The following LHFPL3 variants were observed in gnomAD, a reference collection of about 807,000 sequenced individuals.
LHFPL3 encodes LHFPL tetraspan subfamily member 3 protein.
LHFPL3 carries 5 observed loss-of-function variants against 19.3 expected under a neutral mutation model. The ratio of observed to expected loss-of-function variants is 0.26; its 90% CI spans 0.14 to 0.54. The LOEUF (loss-of-function observed/expected upper bound fraction) is 0.54. LHFPL3 is among the 20% of genes least tolerant of loss of function. The pLI, the probability that LHFPL3 is intolerant of heterozygous loss-of-function variation, is 0.94. For missense variants in LHFPL3, 249 were observed against 307.4 expected (o/e 0.81, Z 1.42); for synonymous variants, 133 against 126.2 (o/e 1.05, Z -0.36).
chr7:104,773,175 T>C (rs1291045913), intron 2 of LHFPL3, among the ~76,000 whole-genome samples: 3 of 152,172 alleles, frequency 2.0e-5, no homozygotes, highest in African/African-American at 7.2e-5. Context: ...GGGGTCTTCT[T>C]ACCCACCCAG....
chr7:104,735,991 A>G (rs560989259), intron 1 of LHFPL3, among the ~76,000 whole-genome samples: 1 of 152,320 alleles, frequency 6.6e-6, no homozygotes, highest in East Asian at 1.9e-4. Flanking sequence ...CATATACTCA[A>G]TAGTGGGATT....
At chr7:104,746,569 C>T (rs1219114537) in intron 2 of LHFPL3, among the ~76,000 whole-genome samples, 2 of 152,146 alleles carry the variant, frequency 1.3e-5, no homozygotes, top group Admixed American at 6.5e-5. Flanking sequence ...TTTACTCAAT[C>T]ACAGGCTAAA....
At chr7:104,515,439 C>T (rs1793902830) in intron 1 of LHFPL3, among the ~76,000 whole-genome samples, 1 of 152,180 alleles carries the variant, frequency 6.6e-6, no homozygotes, top group East Asian at 1.9e-4. Context: ...AGCAGTGCCC[C>T]TGTTCAAAGA....
At chr7:104,902,972 C>T (rs1028698749) in intron 2 of LHFPL3, among the ~76,000 whole-genome samples, 8 of 152,116 alleles carry the variant, frequency 5.3e-5, no homozygotes, top group Non-Finnish European at 1.0e-4. Flanking sequence ...TGAAACTGGC[C>T]GCAAATGTTC....
chr7:104,524,629 T>C (rs1794148244), intron 1 of LHFPL3, among the ~76,000 whole-genome samples: 1 of 152,204 alleles, frequency 6.6e-6, no homozygotes, highest in Non-Finnish European at 1.5e-5. Flanking sequence ...ACTCACAGTA[T>C]TGTTCGAGTC....
chr7:104,626,569 A>G (rs1209545917), intron 1 of LHFPL3, among the ~76,000 whole-genome samples: 1 of 152,196 alleles, frequency 6.6e-6, no homozygotes, highest in African/African-American at 2.4e-5. Flanking sequence ...TTTAGATATT[A>G]TGAAGAACTG....
chr7:104,855,141 G>A (rs956114704), intron 2 of LHFPL3, among the ~76,000 whole-genome samples: 5 of 152,256 alleles, frequency 3.3e-5, no homozygotes, highest in South Asian at 2.1e-4. Context: ...TCTTAAGACC[G>A]TTTCAAGACA....
chr7:104,480,078 G>A (rs894268743), intron 1 of LHFPL3, among the ~76,000 whole-genome samples: 2 of 152,170 alleles, frequency 1.3e-5, no homozygotes, highest in South Asian at 4.1e-4. Flanking sequence ...ATTTCATCAT[G>A]GATACACGTA....
chr7:104,331,324 G>C (rs145234341), intron 1 of LHFPL3, among the ~76,000 whole-genome samples: 1 of 152,316 alleles, frequency 6.6e-6, no homozygotes, highest in African/African-American at 2.4e-5. Context: ...TTGTACTAAA[G>C]ATGTAAGGAC....
At chr7:104,564,945 A>G (rs981949617) in intron 1 of LHFPL3, among the ~76,000 whole-genome samples, 2 of 152,190 alleles carry the variant, frequency 1.3e-5, no homozygotes, top group African/African-American at 4.8e-5. Flanking sequence ...ACTCATGCTC[A>G]CTGCTCCCAT....
intron 1 of LHFPL3, among the ~76,000 whole-genome samples, chr7:104,451,058 C>T (rs918973219): frequency 1.3e-5 from 2 of 152,176 alleles, no homozygotes; most frequent in African/African-American, 4.8e-5. Context: ...GACCAGAGTC[C>T]TGAGCAAGGA....
chr7:104,759,057 C>T (rs1167488440), intron 2 of LHFPL3, among the ~76,000 whole-genome samples: 1 of 152,110 alleles, frequency 6.6e-6, no homozygotes, highest in Non-Finnish European at 1.5e-5. Flanking sequence ...TAAGTCACGC[C>T]GAGGACAAAT....
At chr7:104,479,724 C>CTGGGAATA (rs757257681) in intron 1 of LHFPL3, among the ~76,000 whole-genome samples, 48 of 152,272 alleles carry the variant, frequency 3.2e-4, no homozygotes, top group South Asian at 1.9e-3. Flanking sequence ...TTAAACAGCC[C>CTGGGAATA]TGGGAATATG....
rs111244076 is a variant in LHFPL3 at position 104,723,647 on chromosome 7, G to A, written c.446-13028G>A. Among the ~76,000 whole-genome samples, 188 of 145,020 alleles carry A rather than the reference G, an allele frequency of 1.3e-3. 1 individual carries two copies. The highest frequency in any genetic ancestry group is 4.5e-3 in the African/African-American group (178 of 39,450). On this transcript the variant is annotated intron_variant, in intron 1 of 2. Coordinates refer to ENST00000424859, the MANE Select transcript of LHFPL3 (RefSeq NM_199000.3). The stretch of plus-strand genomic sequence containing the variant: ...TGAGACAGGAGAATCGCTTGAACCC[G>A]CGAGGTAGAGGTTGCAGTGAGCCAA...
At chr7:104,885,403 C>G (rs1242110716) in intron 2 of LHFPL3, among the ~76,000 whole-genome samples, 2 of 152,116 alleles carry the variant, frequency 1.3e-5, no homozygotes, top group Non-Finnish European at 2.9e-5. Flanking sequence ...TGTCTAATGG[C>G]CTATTGTGGC....
intron 2 of LHFPL3, among the ~76,000 whole-genome samples, chr7:104,739,292 A>G (rs1793887604): frequency 6.6e-6 from 1 of 152,188 alleles, no homozygotes; most frequent in Admixed American, 6.5e-5. Context: ...AACACTTGCT[A>G]AACATTGAAG....
intron 2 of LHFPL3, among the ~76,000 whole-genome samples, chr7:104,830,828 C>G (rs1192708689): frequency 6.6e-6 from 1 of 151,720 alleles, no homozygotes; most frequent in Non-Finnish European, 1.5e-5. Flanking sequence ...TGTTTTTTGC[C>G]TTTTAAAAGG....
At chr7:104,839,011 AAG>A (rs1791149054) in intron 2 of LHFPL3, among the ~76,000 whole-genome samples, 1 of 152,230 alleles carries the variant, frequency 6.6e-6, no homozygotes, top group African/African-American at 2.4e-5. Context: ...TTCTTAAAGA[AAG>A]AGAATATTCT....
At chr7:104,692,787 GAGAAGGAAATTGC>G (rs1485814901) in intron 1 of LHFPL3, among the ~76,000 whole-genome samples, 1 of 152,210 alleles carries the variant, frequency 6.6e-6, no homozygotes, top group African/African-American at 2.4e-5. Flanking sequence ...ATCCCTCATG[GAGAAGGAAATTGC>G]AGAAGGAAAA....
Sources: gnomAD v4.1 joint callset for allele counts (sites outside exome capture counted in the v4.1 genomes callset) on GRCh38, gnomAD v4.1.1 for gene constraint, MANE v1.5 for transcripts, NCBI Gene and HGNC (gene_info 2026-07-23, HGNC 2026-07-21) for gene names.